DHX34: variants seen among roughly 807,000 people sequenced by gnomAD.
The protein encoded by DHX34 is probable ATP-dependent RNA helicase DHX34.
Under a neutral mutation model 111.1 loss-of-function variants are expected in DHX34, and 96 were observed. That is an observed-to-expected ratio of 0.86 (90% CI 0.73 to 1.02). The LOEUF (loss-of-function observed/expected upper bound fraction) is 1.02. DHX34 is among the 50% of genes least tolerant of loss of function. The pLI, the probability that DHX34 is intolerant of heterozygous loss-of-function variation, is 0.00. For synonymous variants in DHX34, 688 were observed against 670.4 expected, an observed-to-expected ratio of 1.03 and a Z score of -0.41; for missense variants, 1,560 against 1,579.9, an observed-to-expected ratio of 0.99 and a Z score of 0.21.
intron 9 of DHX34, among the ~76,000 whole-genome samples, chr19:47,374,436 C>CAAAA (rs35585186): frequency 1.4e-4 from 14 of 103,636 alleles, no homozygotes; most frequent in African/African-American, 4.4e-4. Flanking sequence ...AAACTCCACT[C>CAAAA]AAAAAAAAAA....
At chr19:47,357,077 C>G (rs535343024) in intron 3 of DHX34, among the ~76,000 whole-genome samples, 181 of 152,250 alleles carry the variant, frequency 1.2e-3, no homozygotes, top group African/African-American at 4.3e-3. Context: ...ATCCTCCCGC[C>G]TTGGCCTCCC....
intron 1 of DHX34, among the ~76,000 whole-genome samples, chr19:47,351,712 CA>C (rs1969292956): frequency 6.6e-6 from 1 of 152,174 alleles, no homozygotes. Context: ...GTAAATTCCA[CA>C]AAAGGGCCCT....
At chr19:47,351,252 TC>T (rs1446098981) in intron 1 of DHX34, among the ~76,000 whole-genome samples, 1 of 148,612 alleles carries the variant, frequency 6.7e-6, no homozygotes, top group Non-Finnish European at 1.5e-5. Context: ...AGTCTTGGCT[TC>T]CTGCAAGCTC....
intron 6 of DHX34, among the ~76,000 whole-genome samples, chr19:47,362,974 G>A (rs1969680992): frequency 6.6e-6 from 1 of 151,758 alleles, no homozygotes; most frequent in South Asian, 2.1e-4. Context: ...TTTTTGAGAC[G>A]GAGTCTCCCT....
intron 3 of DHX34, 65 bp from the exon 4 acceptor site, chr19:47,357,801 C>G (rs1316922947): frequency 1.1e-5 from 17 of 1,551,264 alleles, no homozygotes; most frequent in Non-Finnish European, 1.3e-5. Context: ...CCTGCAGCCT[C>G]CCCAGCCCAT....
At chr19:47,362,001 A>G (rs1001327064) in intron 5 of DHX34, among the ~76,000 whole-genome samples, 7 of 151,818 alleles carry the variant, frequency 4.6e-5, no homozygotes, top group African/African-American at 1.7e-4. Flanking sequence ...GTGTGAGTGA[A>G]AGGCTGGGTG....
At chr19:47,377,303 C>G (rs1970199785) in intron 13 of DHX34, 97 bp downstream of exon 13, 19 of 1,307,964 alleles carry the variant, frequency 1.5e-5, no homozygotes, top group Non-Finnish European at 2.0e-5. Flanking sequence ...GAGGGGCCAC[C>G]TGGCACCTGG....
At chr19:47,357,305 C>T (rs1430182723) in intron 3 of DHX34, among the ~76,000 whole-genome samples, 1 of 152,224 alleles carries the variant, frequency 6.6e-6, no homozygotes, top group African/African-American at 2.4e-5. Context: ...TCACCAGTTA[C>T]ATACATCTGT....
chr19:47,363,651 T>C (rs1969700363), intron 6 of DHX34, among the ~76,000 whole-genome samples: 1 of 151,962 alleles, frequency 6.6e-6, no homozygotes, highest in Non-Finnish European at 1.5e-5. Flanking sequence ...AACCAGTCTC[T>C]ATTAAAAATA....
chr19:47,380,522 G>A, intron 14 of DHX34, among the ~76,000 whole-genome samples: 1 of 151,862 alleles, frequency 6.6e-6, no homozygotes, highest in South Asian at 2.1e-4. Flanking sequence ...CTAGGAGGAG[G>A]AGGGGGGAGG....
chr19:47,373,697 C>A lies in DHX34; in HGVS notation c.2061C>A (p.Phe687Leu). The part of the protein sequence containing the change: ...LYEMANLRRQ[F>L]KELLEDHGLL... The stretch of plus-strand genomic sequence containing the variant: ...AAATGGCCAACCTTCGGCGCCAGTT[C>A]AAGGTGAGGCTCGGGAGGAGGGGTA... Residue 687 changes from phenylalanine to leucine, a missense_variant, in exon 9 of 17, where the codon TTC (phenylalanine) becomes TTA (leucine). By Grantham distance (22) the Phe-to-Leu change is conservative. Coordinates refer to ENST00000328771, the MANE Select transcript of DHX34 (RefSeq NM_014681.6). The A allele has an allele frequency of 6.2e-7, 1 of 1,613,400 alleles. No individual in the cohort carries two copies.
At chr19:47,375,108 C>T (rs150884884) in intron 9 of DHX34, among the ~76,000 whole-genome samples, 2 of 152,138 alleles carry the variant, frequency 1.3e-5, no homozygotes, top group African/African-American at 4.8e-5. Context: ...CCTAGATGCC[C>T]CAGGGCTACA....
At chr19:47,376,884 C>A in intron 12 of DHX34, 1 of 1,533,884 alleles carries the variant, frequency 6.5e-7, no homozygotes, top group South Asian at 1.2e-5. Flanking sequence ...CCCCCTGGCA[C>A]CCGTGTGCAT....
chr19:47,357,047 C>T (rs749317942), intron 3 of DHX34, among the ~76,000 whole-genome samples: 5 of 152,014 alleles, frequency 3.3e-5, no homozygotes, highest in South Asian at 2.1e-4. Context: ...TGCCTGGTCA[C>T]GCATACCTGA....
intron 16 of DHX34, 163 bp downstream of exon 16, chr19:47,381,487 G>GCACC: frequency 8.4e-6 from 9 of 1,076,240 alleles, no homozygotes; most frequent in Non-Finnish European, 1.0e-5. Flanking sequence ...TGAAGATCAG[G>GCACC]AGCCCAAGGC....
At chr19:47,378,906 G>T (rs1488434543) in intron 13 of DHX34, among the ~76,000 whole-genome samples, 1 of 151,966 alleles carries the variant, frequency 6.6e-6, no homozygotes, top group East Asian at 1.9e-4. Context: ...GAGGTGTGTG[G>T]ATCAGTTGAG....
At chr19:47,376,889 G>T (rs1444560326) in intron 12 of DHX34, 1 of 1,534,084 alleles carries the variant, frequency 6.5e-7, no homozygotes, top group South Asian at 1.2e-5. Context: ...TGGCACCCGT[G>T]TGCATGGAAG....
chr19:47,362,381 A>C, intron 5 of DHX34, 95 bp from the exon 6 acceptor site: 6 of 1,396,800 alleles, frequency 4.3e-6, no homozygotes, highest in Non-Finnish European at 5.6e-6. Context: ...ATAAAGGAGT[A>C]AGTGAGGGTG....
intron 13 of DHX34, among the ~76,000 whole-genome samples, chr19:47,378,783 CTG>C (rs1970252226): frequency 6.6e-6 from 1 of 151,716 alleles, no homozygotes; most frequent in Non-Finnish European, 1.5e-5. Context: ...CTGCAGTGAG[CTG>C]TGATTGTTGA....
Sources: allele counts gnomAD v4.1 joint callset (sites outside exome capture counted in the v4.1 genomes callset), GRCh38; gene constraint gnomAD v4.1.1; transcripts MANE v1.5; gene names NCBI Gene and HGNC (gene_info 2026-07-23, HGNC 2026-07-21).